Variants in FAM171A1 observed in about 807,000 individuals in gnomAD.
The protein encoded by FAM171A1 is family with sequence similarity 171 member A1.
FAM171A1 carries 23 observed loss-of-function variants against 74.9 expected under a neutral mutation model. The ratio of observed to expected loss-of-function variants is 0.31; its 90% CI spans 0.22 to 0.44. FAM171A1 has a LOEUF of 0.44. Among genes scored for constraint, FAM171A1 ranks in the 20% least tolerant of loss-of-function variants. FAM171A1 has a pLI of 1.00. For synonymous variants in FAM171A1, 527 were observed against 505.7 expected (o/e 1.04, Z -0.57); for missense variants, 1,162 against 1,159.2 (o/e 1.00, Z -0.03).
chr10:15,268,417 C>T (rs1479406937), intron 3 of FAM171A1, among the ~76,000 whole-genome samples: 2 of 152,024 alleles, frequency 1.3e-5, no homozygotes, highest in African/African-American at 2.4e-5. Context: ...GAATGAGATT[C>T]GAGGAGAGAA....
At chr10:15,230,671 C>CATAG (rs201182673) in intron 5 of FAM171A1, among the ~76,000 whole-genome samples, 1,548 of 152,164 alleles carry the variant, frequency 0.01, 10 homozygotes, top group Non-Finnish European at 0.017. Context: ...TTTAGCTGAG[C>CATAG]TATCGTAAGA....
intron 1 of FAM171A1, among the ~76,000 whole-genome samples, chr10:15,368,221 C>T (rs928105293): frequency 1.3e-5 from 2 of 152,150 alleles, no homozygotes; most frequent in African/African-American, 2.4e-5. Context: ...TTTGCCAATT[C>T]GAAGCAGCTA....
At chr10:15,333,654 C>T (rs992028573) in intron 1 of FAM171A1, among the ~76,000 whole-genome samples, 1 of 151,908 alleles carries the variant, frequency 6.6e-6, no homozygotes, top group Non-Finnish European at 1.5e-5. Flanking sequence ...ATAATGAGAC[C>T]CCCAACTTTA....
intron 3 of FAM171A1, among the ~76,000 whole-genome samples, chr10:15,271,777 C>T (rs1337605407): frequency 2.0e-5 from 3 of 152,096 alleles, no homozygotes; most frequent in African/African-American, 7.2e-5. Flanking sequence ...TCATATCCAG[C>T]CAAACTAAGC....
intron 5 of FAM171A1, among the ~76,000 whole-genome samples, chr10:15,230,210 T>C (rs1394892638): frequency 6.6e-6 from 1 of 152,250 alleles, no homozygotes. Flanking sequence ...ATTTCTACAT[T>C]TATGACACTG....
chr10:15,335,578 T>C (rs1484883200), intron 1 of FAM171A1, among the ~76,000 whole-genome samples: 1 of 152,158 alleles, frequency 6.6e-6, no homozygotes, highest in African/African-American at 2.4e-5. Context: ...AATGAAACAT[T>C]TTACAAATAG....
chr10:15,287,752 T>C (rs1235261491), intron 1 of FAM171A1, among the ~76,000 whole-genome samples: 1 of 152,184 alleles, frequency 6.6e-6, no homozygotes, highest in Non-Finnish European at 1.5e-5. Context: ...ATTCCTCTTA[T>C]AAATTTTAAA....
chr10:15,335,997 A>T (rs939776599), intron 1 of FAM171A1, among the ~76,000 whole-genome samples: 1 of 152,144 alleles, frequency 6.6e-6, no homozygotes, highest in African/African-American at 2.4e-5. Flanking sequence ...AAGTGACCTC[A>T]GATTTTTTTT....
chr10:15,267,819 A>T (rs1834766709), intron 3 of FAM171A1, among the ~76,000 whole-genome samples: 1 of 152,110 alleles, frequency 6.6e-6, no homozygotes, highest in Non-Finnish European at 1.5e-5. Context: ...GAGGCTGGAC[A>T]GCCACGACGG....
rs189694579 is a variant in FAM171A1 at position 15,214,560 on chromosome 10, T to G, written c.1028A>C (p.Gln343Pro). The part of the protein sequence containing the change: ...LKPRQHHRKL[Q>P]LPAGLESSKR... Reference sequence around the variant, plus strand: ...GGAACTCTCCAGTCCTGCAGGGAGCTGCAGTTTTCTGTGGTGCTGACGAGG... The same window carrying G: ...GGAACTCTCCAGTCCTGCAGGGAGCGGCAGTTTTCTGTGGTGCTGACGAGG... The change falls in exon 8 of 8, where the codon CAG (glutamine) becomes CCG (proline). Residue 343 changes from glutamine (Q) to proline (P), a missense_variant. Gln to Pro is a moderately conservative substitution (Grantham distance 76). Transcript: ENST00000378116. 1.2e-6 allele frequency: 2 copies of G among 1,612,380 alleles called. No individual in the cohort carries two copies. Among genetic ancestry groups the G allele is most frequent in the Admixed American group, 1.7e-5 (1 of 59,692 alleles).
chr10:15,247,892 C>T (rs565760673), intron 5 of FAM171A1, among the ~76,000 whole-genome samples: 22 of 152,264 alleles, frequency 1.4e-4, no homozygotes, highest in African/African-American at 3.9e-4. Flanking sequence ...GGTCAACAGC[C>T]GGCAAGGAAG....
At chr10:15,243,957 A>G (rs563997423) in intron 5 of FAM171A1, among the ~76,000 whole-genome samples, 1 of 152,144 alleles carries the variant, frequency 6.6e-6, no homozygotes, top group Non-Finnish European at 1.5e-5. Flanking sequence ...TCACCGTGTT[A>G]GCCAGGATGG....
rs1414204893 is a variant in FAM171A1, at chr10:15,215,989, A to T, written c.986+7T>A. ...AAAAAGATATTGCCAAAATGGTAAC[A>T]CTTTACCTGCAATAATATAAAAGGA... On this transcript the variant is annotated splice_region_variant and intron_variant, in intron 7 of 7. Coordinates refer to ENST00000378116, the MANE Select transcript of FAM171A1 (RefSeq NM_001010924.2). 2 of 1,574,384 alleles carry T rather than the reference A, an allele frequency of 1.3e-6. No homozygotes were observed. The highest frequency in any genetic ancestry group is 3.7e-5 in the Admixed American group (2 of 53,408).
chr10:15,343,647 G>A (rs1378908317), intron 1 of FAM171A1, among the ~76,000 whole-genome samples: 1 of 152,126 alleles, frequency 6.6e-6, no homozygotes, highest in Non-Finnish European at 1.5e-5. Context: ...GCGAAGGAGT[G>A]AGGATATATG....
intron 1 of FAM171A1, among the ~76,000 whole-genome samples, chr10:15,309,907 A>C (rs1010770282): frequency 1.3e-5 from 2 of 152,246 alleles, no homozygotes; most frequent in East Asian, 3.8e-4. Context: ...GTAAATGTTC[A>C]GTTAGGAGGA....
intron 5 of FAM171A1, among the ~76,000 whole-genome samples, chr10:15,234,949 A>G (rs1031327634): frequency 6.6e-6 from 1 of 152,006 alleles, no homozygotes. Context: ...GGCGTGAGCC[A>G]CCGTGCCGGG....
At chr10:15,220,333 G>A (rs1221092819) in intron 6 of FAM171A1, among the ~76,000 whole-genome samples, 1 of 152,086 alleles carries the variant, frequency 6.6e-6, no homozygotes, top group Non-Finnish European at 1.5e-5. Context: ...TAATTCTCCT[G>A]AGATGACCAT....
At chr10:15,255,945 GC>G (rs1258380412) in intron 3 of FAM171A1, among the ~76,000 whole-genome samples, 12 of 152,230 alleles carry the variant, frequency 7.9e-5, no homozygotes, top group African/African-American at 2.4e-4. Flanking sequence ...ACCGCGCCTG[GC>G]CCAGATGTTG....
At chr10:15,353,591 A>C (rs1366049747) in intron 1 of FAM171A1, among the ~76,000 whole-genome samples, 1 of 152,174 alleles carries the variant, frequency 6.6e-6, no homozygotes, top group Admixed American at 6.6e-5. Context: ...CTTTTTATAA[A>C]ATCTGTATTT....
Sources: gnomAD v4.1 joint callset for allele counts (sites outside exome capture counted in the v4.1 genomes callset) on GRCh38, gnomAD v4.1.1 for gene constraint, MANE v1.5 for transcripts, NCBI Gene and HGNC (gene_info 2026-07-23, HGNC 2026-07-21) for gene names.